Variants in DOK6 observed in about 807,000 individuals in gnomAD.
The protein encoded by DOK6 is downstream of tyrosine kinase 6.
In DOK6, 22 loss-of-function variants were observed where a neutral mutation model predicts 44.0. The ratio of observed to expected loss-of-function variants is 0.50; its 90% confidence interval spans 0.36 to 0.71. DOK6 has a LOEUF of 0.71. Among genes scored for constraint, DOK6 ranks in the 30% least tolerant of loss-of-function variants. DOK6 has a pLI of 0.00. For missense variants in DOK6, 340 were observed against 416.4 expected (o/e 0.82, Z 1.60); for synonymous variants, 166 against 145.5 (o/e 1.14, Z -1.01).
chr18:69,648,050 AATC>A (rs1026980549), intron 3 of DOK6, among the ~76,000 whole-genome samples: 1 of 152,176 alleles, frequency 6.6e-6, no homozygotes, highest in Non-Finnish European at 1.5e-5. Context: ...GCTATCATAT[AATC>A]ATCATGAAGC....
At chr18:69,499,994 A>G (rs1159037928) in intron 1 of DOK6, among the ~76,000 whole-genome samples, 1 of 152,168 alleles carries the variant, frequency 6.6e-6, no homozygotes, top group Non-Finnish European at 1.5e-5. Flanking sequence ...TGGTATATGT[A>G]GAATATGTAA....
intron 1 of DOK6, among the ~76,000 whole-genome samples, chr18:69,512,438 G>C (rs1206690090): frequency 6.7e-6 from 1 of 149,810 alleles, no homozygotes; most frequent in Non-Finnish European, 1.5e-5. Flanking sequence ...CCCCCTTCCG[G>C]GTTCATGCAA....
chr18:69,837,962 A>G (rs890689897), intron 7 of DOK6, among the ~76,000 whole-genome samples: 2 of 152,168 alleles, frequency 1.3e-5, no homozygotes, highest in Non-Finnish European at 2.9e-5. Context: ...CCATCATTCA[A>G]AACAGCATGT....
chr18:69,686,014 A>G (rs960339273), intron 4 of DOK6, among the ~76,000 whole-genome samples: 16 of 152,180 alleles, frequency 1.1e-4, no homozygotes, highest in African/African-American at 3.9e-4. Flanking sequence ...ACTTGTAGGT[A>G]GTACCTTTAA....
At chr18:69,402,436 A>C (rs1666840099) in intron 1 of DOK6, among the ~76,000 whole-genome samples, 1 of 152,248 alleles carries the variant, frequency 6.6e-6, no homozygotes, top group African/African-American at 2.4e-5. Context: ...TAAAAAAGAA[A>C]GCAAAAGAAG....
chr18:69,667,306 A>AC (rs1002607845), intron 3 of DOK6, among the ~76,000 whole-genome samples: 2 of 152,168 alleles, frequency 1.3e-5, no homozygotes, highest in Non-Finnish European at 2.9e-5. Context: ...TGACCTAAAA[A>AC]AAATTACAAA....
At chr18:69,490,701 C>CA (rs1004372418) in intron 1 of DOK6, among the ~76,000 whole-genome samples, 2 of 151,978 alleles carry the variant, frequency 1.3e-5, no homozygotes, top group East Asian at 3.9e-4. Flanking sequence ...CTAAAACAAG[C>CA]AAAAAATATA....
intron 1 of DOK6, among the ~76,000 whole-genome samples, chr18:69,509,661 A>AAC (rs2144555165): frequency 1.7e-5 from 2 of 118,402 alleles, no homozygotes; most frequent in South Asian, 5.5e-4. Flanking sequence ...AAAAAAAAAA[A>AAC]AACACACAAG....
rs576005785 is a variant in DOK6, at chr18:69,401,202, C to T, written c.-43C>T. 2.1e-5 allele frequency: 32 copies of T among 1,529,460 alleles called. 1 individual carries two copies. The highest frequency in any genetic ancestry group is 1.8e-4 in the Admixed American group (9 of 48,922). The allele number at this position is 1,529,460 out of a possible 1,614,324, so 94.7% of individuals were successfully genotyped here. A position where few individuals can be genotyped will look rare whatever the true frequency, so the allele number is the denominator to read the frequency against. ...GGCGGCGGACGGCGGCTCTCGACTCCGGAGAGCGGATCGCGGGGCGCAGGA... is the reference window on the plus strand; with the variant it reads ...GGCGGCGGACGGCGGCTCTCGACTCTGGAGAGCGGATCGCGGGGCGCAGGA... On this transcript the variant is annotated 5_prime_UTR_variant, in exon 1 of 8. Coordinates refer to ENST00000382713, the MANE Select transcript of DOK6 (RefSeq NM_152721.6).
intron 7 of DOK6, among the ~76,000 whole-genome samples, chr18:69,785,447 C>A (rs532257763): frequency 1.2e-4 from 19 of 152,250 alleles, no homozygotes; most frequent in South Asian, 1.0e-3. Flanking sequence ...AAACCTATGA[C>A]CCTCGTTCTG....
At chr18:69,665,021 T>C (rs1985620400) in intron 3 of DOK6, among the ~76,000 whole-genome samples, 1 of 151,640 alleles carries the variant, frequency 6.6e-6, no homozygotes, top group Non-Finnish European at 1.5e-5. Context: ...CTACTATAAA[T>C]ACAAAAAAAA....
At chr18:69,612,882 TC>T (rs1281607344) in intron 3 of DOK6, among the ~76,000 whole-genome samples, 13 of 152,128 alleles carry the variant, frequency 8.5e-5, no homozygotes, top group South Asian at 2.1e-4. Context: ...TTTCTTTCTT[TC>T]TTTTTTTTTG....
At chr18:69,621,510 CAA>C (rs1372789394) in intron 3 of DOK6, among the ~76,000 whole-genome samples, 1 of 151,950 alleles carries the variant, frequency 6.6e-6, no homozygotes, top group Non-Finnish European at 1.5e-5. Flanking sequence ...TATGAGGAAA[CAA>C]GAGGGATGAC....
rs182274928 is a variant in DOK6 at position 69,707,727 on chromosome 18, G to A, written c.599+9134G>A. Among the ~76,000 whole-genome samples the A allele has an allele frequency of 1.4e-3, 210 of 152,286 alleles. 1 individual carries two copies. The highest frequency in any genetic ancestry group is 2.1e-3 in the Admixed American group (32 of 15,288). ...TTTGGCTTCAGCAGGTGTCCCTTCTGTTCATAGCCCTTTCTTGGGAACTAG... is the reference window on the plus strand; with the variant it reads ...TTTGGCTTCAGCAGGTGTCCCTTCTATTCATAGCCCTTTCTTGGGAACTAG... On this transcript the variant is annotated intron_variant, in intron 5 of 7. Coordinates refer to ENST00000382713, the MANE Select transcript of DOK6 (RefSeq NM_152721.6).
chr18:69,634,287 T>C (rs1294879540), intron 3 of DOK6, among the ~76,000 whole-genome samples: 1 of 152,236 alleles, frequency 6.6e-6, no homozygotes, highest in Non-Finnish European at 1.5e-5. Context: ...CATGAAATTT[T>C]CTCTTTGCAC....
chr18:69,842,259 A>G lies in DOK6; in HGVS notation c.*876A>G, dbSNP rs1051631354. On this transcript the variant is annotated 3_prime_UTR_variant, in exon 8 of 8. Coordinates refer to ENST00000382713, the MANE Select transcript of DOK6 (RefSeq NM_152721.6). ...CATTCAGAAGCAAAAGAACCAGTCT[A>G]GCTGTCCTACACATCATGTCATACC... 2 of 151,980 alleles carry G rather than the reference A, an allele frequency of 1.3e-5. No homozygotes were observed. The highest frequency in any genetic ancestry group is 4.8e-5 in the African/African-American group (2 of 41,372). 9.4% of individuals were successfully genotyped at this position (151,980 alleles called of 1,614,324 possible).
chr18:69,728,461 T>A (rs1434685714), intron 5 of DOK6, among the ~76,000 whole-genome samples: 2 of 152,200 alleles, frequency 1.3e-5, no homozygotes, highest in Admixed American at 6.5e-5. Flanking sequence ...CATCAAAGTC[T>A]GCCTGGCTAG....
At chr18:69,835,210 T>C (rs374797855) in intron 7 of DOK6, among the ~76,000 whole-genome samples, 18 of 152,114 alleles carry the variant, frequency 1.2e-4, no homozygotes, top group South Asian at 2.1e-4. Flanking sequence ...CGCCTGTAAT[T>C]CCAGCACTTT....
intron 1 of DOK6, among the ~76,000 whole-genome samples, chr18:69,474,912 G>A (rs903739680): frequency 1.3e-5 from 2 of 152,022 alleles, no homozygotes; most frequent in Non-Finnish European, 2.9e-5. Flanking sequence ...GCAACAGAAT[G>A]TAATGTTTTA....
Sources: allele counts gnomAD v4.1 joint callset (sites outside exome capture counted in the v4.1 genomes callset), GRCh38; gene constraint gnomAD v4.1.1; transcripts MANE v1.5; gene names NCBI Gene and HGNC (gene_info 2026-07-23, HGNC 2026-07-21).